TSPAN5: variants seen among roughly 807,000 people sequenced by gnomAD.
TSPAN5 encodes the protein tetraspanin 5.
In TSPAN5, 10 loss-of-function variants were observed where a neutral mutation model predicts 37.1. The ratio of observed to expected loss-of-function variants is 0.27; its 90% CI spans 0.17 to 0.46. The LOEUF is 0.46. Among genes scored for constraint, TSPAN5 ranks in the 20% least tolerant of loss-of-function variants. TSPAN5 has a pLI of 1.00. For missense variants in TSPAN5, 195 were observed against 326.6 expected (o/e 0.60, Z 3.11); for synonymous variants, 110 against 118.9 (o/e 0.93, Z 0.48).
chr4:98,479,508 C>T (rs1204853941), intron 4 of TSPAN5, among the ~76,000 whole-genome samples: 1 of 152,144 alleles, frequency 6.6e-6, no homozygotes, highest in Non-Finnish European at 1.5e-5. Context: ...ATTCCTATCC[C>T]AGAAAAGCAG....
intron 1 of TSPAN5, among the ~76,000 whole-genome samples, chr4:98,576,146 T>C (rs1317870425): frequency 6.6e-6 from 1 of 152,130 alleles, no homozygotes; most frequent in Non-Finnish European, 1.5e-5. Flanking sequence ...TGTTGCTTTC[T>C]GGATATTCAC....
intron 1 of TSPAN5, among the ~76,000 whole-genome samples, chr4:98,509,548 T>C (rs1000635053): frequency 3.3e-5 from 5 of 152,322 alleles, no homozygotes; most frequent in South Asian, 2.1e-4. Flanking sequence ...CAGAAAATCA[T>C]GTCCTTGATT....
chr4:98,632,978 T>C (rs1245937803), intron 1 of TSPAN5, among the ~76,000 whole-genome samples: 1 of 152,040 alleles, frequency 6.6e-6, no homozygotes, highest in African/African-American at 2.4e-5. Flanking sequence ...GGGCAAAGCA[T>C]GAACCGTAGG....
chr4:98,497,913 G>A (rs1753252150), intron 2 of TSPAN5, among the ~76,000 whole-genome samples: 1 of 152,178 alleles, frequency 6.6e-6, no homozygotes, highest in South Asian at 2.1e-4. Context: ...GACAAGCGGT[G>A]AGAAGAGATG....
At chr4:98,567,810 G>A (rs1157358471) in intron 1 of TSPAN5, among the ~76,000 whole-genome samples, 1 of 152,198 alleles carries the variant, frequency 6.6e-6, no homozygotes, top group Non-Finnish European at 1.5e-5. Flanking sequence ...GGTGGTGGCG[G>A]GGCGGGGGGC....
At chr4:98,551,739 A>G (rs1754623476) in intron 1 of TSPAN5, among the ~76,000 whole-genome samples, 1 of 150,846 alleles carries the variant, frequency 6.6e-6, no homozygotes, top group Non-Finnish European at 1.5e-5. Context: ...TGACCTCGTG[A>G]TCCACACACC....
chr4:98,657,298 T>G (rs62325460), intron 1 of TSPAN5, among the ~76,000 whole-genome samples: 5 of 152,020 alleles, frequency 3.3e-5, no homozygotes, highest in African/African-American at 7.3e-5. Flanking sequence ...ATCATTTGAA[T>G]CTTGTGTTAA....
chr4:98,583,371 CT>C (rs1360027351), intron 1 of TSPAN5, among the ~76,000 whole-genome samples: 2 of 152,118 alleles, frequency 1.3e-5, no homozygotes, highest in African/African-American at 4.8e-5. Flanking sequence ...GGTATTCAGC[CT>C]AGTACCCATT....
intron 1 of TSPAN5, among the ~76,000 whole-genome samples, chr4:98,634,413 T>G (rs776204054): frequency 7.9e-5 from 12 of 152,180 alleles, no homozygotes; most frequent in Non-Finnish European, 1.2e-4. Flanking sequence ...GACTGTTACC[T>G]CCCAAATTTT....
intron 1 of TSPAN5, among the ~76,000 whole-genome samples, chr4:98,540,770 A>T (rs1276656640): frequency 6.6e-6 from 1 of 152,184 alleles, no homozygotes; most frequent in East Asian, 1.9e-4. Flanking sequence ...GGATTATTTG[A>T]TGAGTACTAC....
intron 1 of TSPAN5, among the ~76,000 whole-genome samples, chr4:98,517,456 T>C (rs975967202): frequency 5.9e-5 from 9 of 152,062 alleles, no homozygotes; most frequent in Non-Finnish European, 1.3e-4. Context: ...CCAAGCATTT[T>C]TGGAACTGTG....
At chr4:98,615,241 A>G (rs1283536607) in intron 1 of TSPAN5, among the ~76,000 whole-genome samples, 2 of 152,214 alleles carry the variant, frequency 1.3e-5, no homozygotes, top group Non-Finnish European at 2.9e-5. Context: ...AGAGAGCCTA[A>G]TGCCACAACC....
intron 2 of TSPAN5, chr4:98,496,504 C>G (rs896470139): frequency 6.6e-6 from 1 of 152,196 alleles, no homozygotes; most frequent in African/African-American, 2.4e-5. Flanking sequence ...TAGTGAAACT[C>G]AAGTAATCCT....
At chr4:98,481,936 AG>A (rs1752846603) in intron 4 of TSPAN5, 68 bp downstream of exon 4, 1 of 1,508,272 alleles carries the variant, frequency 6.6e-7, no homozygotes, top group African/African-American at 1.4e-5. Context: ...AGAAACCAGG[AG>A]GGATGAAATT....
intron 1 of TSPAN5, among the ~76,000 whole-genome samples, chr4:98,589,582 A>G (rs4699354): frequency 0.76 from 115,278 of 152,178 alleles, 44,663 homozygotes; most frequent in African/African-American, 0.92. Flanking sequence ...CTTTACATTA[A>G]CTGGATAATT....
In TSPAN5 at chr4:98,478,719, C is replaced by T. The variant is rs1174393103; in HGVS notation, c.542G>A (p.Gly181Asp). The T allele has an allele frequency of 6.2e-7, 1 of 1,614,146 alleles. No individual in the cohort carries two copies. The highest frequency in any genetic ancestry group is 8.5e-7 in the Non-Finnish European group (1 of 1,180,022). ...TDSNASRERC[G>D]VPFSCCTKDP... ...TTTAGTGCAGCAGGAGAATGGAACG[C>T]CACATCGCTCTCGACTTGCATTGGA... Residue 181 changes from glycine to aspartate, a missense_variant, in exon 5 of 8, where the codon GGC (glycine) becomes GAC (aspartate). Gly to Asp is a moderately conservative substitution (Grantham distance 94). Coordinates refer to ENST00000305798, the MANE Select transcript of TSPAN5 (RefSeq NM_005723.4).
chr4:98,607,203 G>A (rs553206473), intron 1 of TSPAN5, among the ~76,000 whole-genome samples: 1 of 152,316 alleles, frequency 6.6e-6, no homozygotes, highest in East Asian at 1.9e-4. Flanking sequence ...ATCTTGCACT[G>A]CGATTCCCAG....
rs538405756 is a variant in TSPAN5 at position 98,555,876 on chromosome 4, T to A, written c.82-48148A>T. Among the ~76,000 whole-genome samples, 9 of 152,150 alleles carry A rather than the reference T, an allele frequency of 5.9e-5. No individual in the cohort carries two copies. The South Asian group carries it at 1.9e-3, about 32-fold the overall frequency. The stretch of plus-strand genomic sequence containing the variant: ...GACCTACCCTGTTAAACAAAAAGGA[T>A]CCACCACACTGTTAGGATATCCTTA... On this transcript the variant is annotated intron_variant, in intron 1 of 7. Coordinates refer to ENST00000305798, the MANE Select transcript of TSPAN5 (RefSeq NM_005723.4).
chr4:98,588,300 A>T (rs1209859533), intron 1 of TSPAN5, among the ~76,000 whole-genome samples: 1 of 152,172 alleles, frequency 6.6e-6, no homozygotes, highest in Non-Finnish European at 1.5e-5. Flanking sequence ...TGGGGTGGCC[A>T]GTAACAGAGA....
Sources: gnomAD v4.1 joint callset for allele counts (sites outside exome capture counted in the v4.1 genomes callset) on GRCh38, gnomAD v4.1.1 for gene constraint, MANE v1.5 for transcripts, NCBI Gene and HGNC (gene_info 2026-07-23, HGNC 2026-07-21) for gene names.